The following NKIRAS1 variants were observed in gnomAD, a reference collection of about 807,000 sequenced individuals.
NKIRAS1 encodes NFKB inhibitor interacting Ras like 1.
NKIRAS1 carries 16 observed loss-of-function variants against 19.8 expected under a neutral mutation model. The observed-to-expected ratio is 0.81, with a 90% CI of 0.55 to 1.23. NKIRAS1 has a LOEUF of 1.23. Ranked by LOEUF, NKIRAS1 falls within the 50% of genes most tolerant of loss-of-function variation. The pLI is 0.00. For synonymous variants in NKIRAS1, 88 were observed against 79.0 expected, an observed-to-expected ratio of 1.11 and a Z score of -0.61; for missense variants, 184 against 220.0, an observed-to-expected ratio of 0.84 and a Z score of 1.04.
chr3:23,914,656 T>C (rs897973875), intron 1 of NKIRAS1, among the ~76,000 whole-genome samples: 28 of 152,256 alleles, frequency 1.8e-4, no homozygotes, highest in Non-Finnish European at 2.4e-4. Flanking sequence ...AGGGACAAAC[T>C]AGGGGGCAAA....
At chr3:23,899,223 C>G (rs1056548754) in intron 4 of NKIRAS1, among the ~76,000 whole-genome samples, 1 of 152,140 alleles carries the variant, frequency 6.6e-6, no homozygotes, top group Admixed American at 6.5e-5. Flanking sequence ...CATGAAGGAT[C>G]TTTGTGGTGA....
rs547651348 is a variant in NKIRAS1, at chr3:23,908,767, G to A, written c.94+2044C>T. On this transcript the variant is annotated intron_variant, in intron 3 of 4. Coordinates refer to ENST00000425478, the MANE Select transcript of NKIRAS1 (RefSeq NM_020345.4). ...TCACTGCAGCCTCAACCTCCCATGT[G>A]ATTCTCCCACCCCAGCATCTCAAGT... Among the ~76,000 whole-genome samples, 5 of 151,616 alleles carry A rather than the reference G, an allele frequency of 3.3e-5. No homozygotes were observed. In the South Asian group the frequency reaches 1.0e-3, roughly 32 times the overall value.
intron 3 of NKIRAS1, among the ~76,000 whole-genome samples, chr3:23,907,339 A>G (rs1406195161): frequency 6.6e-6 from 1 of 152,112 alleles, no homozygotes; most frequent in African/African-American, 2.4e-5. Context: ...GTAAGCTATG[A>G]GTAGTTAAGT....
At chr3:23,935,410 C>G (rs919681605) in intron 1 of NKIRAS1, among the ~76,000 whole-genome samples, 2 of 151,606 alleles carry the variant, frequency 1.3e-5, no homozygotes, top group African/African-American at 2.4e-5. Flanking sequence ...CGAATCAACT[C>G]TTTTTTCTTT....
At chr3:23,937,774 G>A (rs1705422280) in intron 1 of NKIRAS1, among the ~76,000 whole-genome samples, 1 of 152,026 alleles carries the variant, frequency 6.6e-6, no homozygotes, top group Non-Finnish European at 1.5e-5. Context: ...GTTTCCAGGT[G>A]GCATTAGATA....
intron 1 of NKIRAS1, chr3:23,946,271 A>T (rs1705704103): frequency 2.0e-6 from 2 of 985,274 alleles, no homozygotes; most frequent in African/African-American, 3.5e-5. Flanking sequence ...CAAGGCGCGG[A>T]CCCCGCGCAA....
chr3:23,901,617 GTTTA>G (rs1702530218), intron 3 of NKIRAS1, among the ~76,000 whole-genome samples: 1 of 152,128 alleles, frequency 6.6e-6, no homozygotes, highest in Non-Finnish European at 1.5e-5. Flanking sequence ...TAGTCTCTAA[GTTTA>G]TTAAGTGAAA....
chr3:23,900,170 C>T (rs1408577742), intron 4 of NKIRAS1, among the ~76,000 whole-genome samples: 2 of 151,374 alleles, frequency 1.3e-5, no homozygotes, highest in Non-Finnish European at 2.9e-5. Flanking sequence ...TCAAAAAAAA[C>T]AAAAACAAAA....
At position 23,940,187 on chromosome 3, in the gene NKIRAS1, A is replaced by G. The variant is rs976942856; in HGVS notation, c.-140+6136T>C. ...CTCTACCAAAAAAAAAAAAAAAAAA[A>G]AAAAGAGAAATTACTGGGGTGTGGT... On this transcript the variant is annotated intron_variant, in intron 1 of 4. Coordinates refer to the NKIRAS1 transcript ENST00000421515. Among the ~76,000 whole-genome samples, 10 of 151,074 alleles carry G rather than the reference A, an allele frequency of 6.6e-5. No homozygotes were observed. In the South Asian group the frequency reaches 8.3e-4, roughly 13 times the overall value.
upstream of NKIRAS1, chr3:23,918,156 A>G: frequency 8.1e-7 from 1 of 1,228,962 alleles, no homozygotes; most frequent in African/African-American, 1.5e-5. Flanking sequence ...GAAAAAAGCT[A>G]GCAACACTGG....
chr3:23,902,245 C>A (rs1163964832), intron 3 of NKIRAS1, among the ~76,000 whole-genome samples: 2 of 151,952 alleles, frequency 1.3e-5, no homozygotes, highest in Non-Finnish European at 2.9e-5. Flanking sequence ...GTTCCAGATG[C>A]CTTACATGAA....
rs541327269 is a variant in NKIRAS1 at position 23,932,463 on chromosome 3, C to T, written c.-140+13860G>A. Among the ~76,000 whole-genome samples the T allele has an allele frequency of 2.6e-4, 39 of 152,016 alleles. No individual in the cohort carries two copies. The South Asian group carries it at 7.7e-3, about 30-fold the overall frequency. On this transcript the variant is annotated intron_variant, in intron 1 of 4. Transcript: ENST00000421515. The stretch of plus-strand genomic sequence containing the variant: ...CAGCACTTTTGGAGGCCGAGGCGGG[C>T]GGATCACCTGAGGTCGGGAGTCCAA...
At chr3:23,941,410 G>A (rs1705494774) in intron 1 of NKIRAS1, among the ~76,000 whole-genome samples, 1 of 152,186 alleles carries the variant, frequency 6.6e-6, no homozygotes, top group Non-Finnish European at 1.5e-5. Flanking sequence ...AAGGGCTAAT[G>A]AGGTAGCTTT....
chr3:23,896,122 A>T (rs1359573696), intron 4 of NKIRAS1, among the ~76,000 whole-genome samples: 1 of 118,720 alleles, frequency 8.4e-6, no homozygotes, highest in East Asian at 2.7e-4. Flanking sequence ...GAGATGGAGC[A>T]AGACTCCATC....
chr3:23,910,650 A>G (rs1703605777), intron 3 of NKIRAS1, among the ~76,000 whole-genome samples, 161 bp downstream of exon 3: 1 of 152,068 alleles, frequency 6.6e-6, no homozygotes, highest in Non-Finnish European at 1.5e-5. Flanking sequence ...TAACACTAAG[A>G]CTTTTTTCCC....
At chr3:23,905,311 G>A (rs1022897022) in intron 3 of NKIRAS1, among the ~76,000 whole-genome samples, 9 of 152,196 alleles carry the variant, frequency 5.9e-5, no homozygotes, top group African/African-American at 2.2e-4. Flanking sequence ...ACTGGACAGA[G>A]GAACACAGGG....
At chr3:23,899,455 GTTTGT>G (rs755797695) in intron 4 of NKIRAS1, among the ~76,000 whole-genome samples, 78 of 152,240 alleles carry the variant, frequency 5.1e-4, no homozygotes, top group African/African-American at 1.4e-3. Flanking sequence ...TGTTGTTGCT[GTTTGT>G]TTTGTTTTTT....
At chr3:23,906,455 C>G (rs1168829858) in intron 3 of NKIRAS1, among the ~76,000 whole-genome samples, 2 of 152,126 alleles carry the variant, frequency 1.3e-5, no homozygotes, top group Non-Finnish European at 2.9e-5. Flanking sequence ...ACCACTGACC[C>G]TTAAACAACA....
At chr3:23,914,671 GAA>G (rs1161715822) in intron 1 of NKIRAS1, among the ~76,000 whole-genome samples, 1 of 152,164 alleles carries the variant, frequency 6.6e-6, no homozygotes, top group African/African-American at 2.4e-5. Context: ...GGCAAAAACA[GAA>G]ATCATCCCTT....
Sources: gnomAD v4.1 joint callset for allele counts (sites outside exome capture counted in the v4.1 genomes callset) on GRCh38, gnomAD v4.1.1 for gene constraint, MANE v1.5 for transcripts, NCBI Gene and HGNC (gene_info 2026-07-23, HGNC 2026-07-21) for gene names.